OGDH: variants seen among roughly 807,000 people sequenced by gnomAD.
OGDH encodes the protein oxoglutarate dehydrogenase.
OGDH carries 38 observed loss-of-function variants against 116.6 expected under a neutral mutation model. That is an observed-to-expected ratio of 0.33 (90% CI 0.25 to 0.43). The LOEUF is 0.43. OGDH is among the 20% of genes least tolerant of loss of function. OGDH has a pLI of 1.00. For synonymous variants in OGDH, 488 were observed against 533.3 expected, an observed-to-expected ratio of 0.92 and a Z score of 1.17; for missense variants, 825 against 1,357.2, an observed-to-expected ratio of 0.61 and a Z score of 6.16.
At chr7:44,626,488 C>A (rs928515555) in intron 2 of OGDH, among the ~76,000 whole-genome samples, 7 of 152,116 alleles carry the variant, frequency 4.6e-5, no homozygotes, top group African/African-American at 1.7e-4. Flanking sequence ...TGGAACCAAC[C>A]AAGTTGTTTT....
chr7:44,657,797 A>C (rs1210724359), intron 4 of OGDH, among the ~76,000 whole-genome samples: 1 of 152,222 alleles, frequency 6.6e-6, no homozygotes, highest in East Asian at 1.9e-4. Flanking sequence ...CATTTTGTGT[A>C]AATTTCTGTA....
chr7:44,653,959 A>C (rs563444899), intron 4 of OGDH, among the ~76,000 whole-genome samples: 1 of 152,094 alleles, frequency 6.6e-6, no homozygotes, highest in Non-Finnish European at 1.5e-5. Flanking sequence ...GGTTCAAGCA[A>C]TCCTCCTGCT....
intron 4 of OGDH, among the ~76,000 whole-genome samples, chr7:44,659,893 T>C (rs1786861356): frequency 6.6e-6 from 1 of 152,200 alleles, no homozygotes; most frequent in African/African-American, 2.4e-5. Context: ...GTTTCATTGG[T>C]TTTTTTCTGT....
intron 6 of OGDH, 33 bp from the exon 7 acceptor site, chr7:44,674,378 T>C (rs746512078): frequency 6.2e-7 from 1 of 1,613,428 alleles, no homozygotes; most frequent in East Asian, 2.2e-5. Flanking sequence ...AAGAGTGACA[T>C]TGCCCTTCAA....
At position 44,700,239 on chromosome 7, in the gene OGDH, A is replaced by C. The variant is rs1318908711; in HGVS notation, c.2529A>C (p.Arg843=). 3.7e-6 allele frequency: 6 copies of C among 1,614,168 alleles called. No homozygotes were observed. Among genetic ancestry groups the C allele is most frequent in the Non-Finnish European group, 4.2e-6 (5 of 1,180,018 alleles). Residue 843 remains arginine (R), a synonymous_variant, in exon 19 of 23, where the codon CGA becomes CGC. Coordinates refer to ENST00000222673, the MANE Select transcript of OGDH (RefSeq NM_002541.4). ...STPGNFFHVL[R]RQILLPFRKP... ...CTGGCAACTTCTTCCACGTGCTACG[A>C]CGCCAGATCCTGCTGCCATTCCGGA...
At chr7:44,640,994 A>C (rs1785907637) in intron 2 of OGDH, among the ~76,000 whole-genome samples, 1 of 151,108 alleles carries the variant, frequency 6.6e-6, no homozygotes, top group Non-Finnish European at 1.5e-5. Flanking sequence ...CCCTGGTTCA[A>C]GTGATTGTCC....
intron 2 of OGDH, among the ~76,000 whole-genome samples, chr7:44,639,615 C>A (rs1785837924): frequency 6.6e-6 from 1 of 152,190 alleles, no homozygotes; most frequent in African/African-American, 2.4e-5. Flanking sequence ...ACACTCGATA[C>A]AAAACATTCT....
At chr7:44,670,259 G>A (rs1391129917) in intron 5 of OGDH, among the ~76,000 whole-genome samples, 1 of 152,134 alleles carries the variant, frequency 6.6e-6, no homozygotes, top group Admixed American at 6.5e-5. Flanking sequence ...AGGGAGAGAG[G>A]AAAGGCATGG....
chr7:44,625,416 C>T (rs1415920555), intron 2 of OGDH, among the ~76,000 whole-genome samples: 8 of 152,172 alleles, frequency 5.3e-5, no homozygotes, highest in African/African-American at 1.2e-4. Flanking sequence ...TGATCAACCA[C>T]GCCTGGCCAT....
At position 44,693,951 on chromosome 7, in the gene OGDH, A is replaced by G. The variant is rs1562681463; in HGVS notation, c.1462A>G (p.Lys488Glu). The G allele has an allele frequency of 1.2e-6, 2 of 1,614,068 alleles. No homozygotes were observed. Among genetic ancestry groups the G allele is most frequent in the Admixed American group, 3.3e-5 (2 of 60,016 alleles). Residue 488 changes from lysine to glutamate, a missense_variant, in exon 11 of 23, where the codon AAA becomes GAA. Lys to Glu is a moderately conservative substitution (Grantham distance 56). Coordinates refer to ENST00000222673, the MANE Select transcript of OGDH (RefSeq NM_002541.4). ...CCCCGAGGCTGTCATGTACGTGTGCAAAGTGGCGGCCGAGTGGAGGAGCAC... is the reference window on the plus strand; with the variant it reads ...CCCCGAGGCTGTCATGTACGTGTGCGAAGTGGCGGCCGAGTGGAGGAGCAC... ...DDPEAVMYVCKVAAEWRSTFH... is the reference protein window; with the variant it reads ...DDPEAVMYVCEVAAEWRSTFH...
At chr7:44,668,372 G>T (rs1007630737) in intron 5 of OGDH, among the ~76,000 whole-genome samples, 1 of 152,128 alleles carries the variant, frequency 6.6e-6, no homozygotes, top group African/African-American at 2.4e-5. Context: ...GGAGCGGGAG[G>T]TTGCAGTGAG....
intron 9 of OGDH, 99 bp downstream of exon 9, chr7:44,676,248 T>C: frequency 6.3e-7 from 1 of 1,597,722 alleles, no homozygotes; most frequent in South Asian, 1.1e-5. Flanking sequence ...TGGGTGCATC[T>C]AGACTTTAAA....
chr7:44,692,360 A>G (rs1306196437), intron 10 of OGDH, among the ~76,000 whole-genome samples: 1 of 152,238 alleles, frequency 6.6e-6, no homozygotes, highest in African/African-American at 2.4e-5. Context: ...ACATGTTTCA[A>G]CCTGGGTGTA....
intron 4 of OGDH, among the ~76,000 whole-genome samples, chr7:44,663,251 G>T (rs922597998): frequency 6.6e-6 from 1 of 152,114 alleles, no homozygotes; most frequent in Non-Finnish European, 1.5e-5. Context: ...AATTCTATTT[G>T]GTACTACTTT....
chr7:44,661,229 T>G (rs1462765377), intron 4 of OGDH, among the ~76,000 whole-genome samples: 2 of 152,218 alleles, frequency 1.3e-5, no homozygotes, highest in African/African-American at 2.4e-5. Flanking sequence ...GTAATTTTCT[T>G]TGCTCTGAAG....
intron 10 of OGDH, among the ~76,000 whole-genome samples, chr7:44,691,480 C>T (rs866963794): frequency 2.7e-5 from 4 of 145,792 alleles, no homozygotes; most frequent in East Asian, 4.1e-4. Flanking sequence ...TGCAGTGAGC[C>T]GTGATCACAC....
At chr7:44,668,028 C>A (rs1489576019) in intron 5 of OGDH, among the ~76,000 whole-genome samples, 2 of 152,154 alleles carry the variant, frequency 1.3e-5, no homozygotes, top group East Asian at 1.9e-4. Flanking sequence ...CAGCCCAGGT[C>A]CCCTAAATCA....
At chr7:44,699,645 T>G (rs1490062969) in intron 18 of OGDH, among the ~76,000 whole-genome samples, 1 of 152,158 alleles carries the variant, frequency 6.6e-6, no homozygotes, top group African/African-American at 2.4e-5. Flanking sequence ...TAGTGTCAGC[T>G]TATGTCTCCT....
intron 4 of OGDH, among the ~76,000 whole-genome samples, chr7:44,663,117 TTTATTTCCTTTCTGTTCTTCAGA>T (rs945594301): frequency 6.6e-6 from 1 of 152,254 alleles, no homozygotes; most frequent in Admixed American, 6.5e-5. Context: ...CTGTTCATTT[TTTATTTCCTTTCTGTTCTTCAGA>T]TTGGTTAATT....
Sources: allele counts gnomAD v4.1 joint callset (sites outside exome capture counted in the v4.1 genomes callset), GRCh38; gene constraint gnomAD v4.1.1; transcripts MANE v1.5; gene names NCBI Gene and HGNC (gene_info 2026-07-23, HGNC 2026-07-21).